CLSTN2: variants seen among roughly 807,000 people sequenced by gnomAD.
CLSTN2 encodes the protein calsyntenin 2.
A neutral mutation model predicts 101.2 loss-of-function variants in CLSTN2; 48 were observed. The observed-to-expected ratio is 0.47, with a 90% CI of 0.38 to 0.60. CLSTN2 has a LOEUF of 0.60. Ranked by LOEUF, CLSTN2 falls within the 20% of genes least tolerant of loss-of-function variation. The pLI is 0.00. For synonymous variants in CLSTN2, 481 were observed against 463.6 expected, an observed-to-expected ratio of 1.04 and a Z score of -0.48; for missense variants, 1,160 against 1,238.2, an observed-to-expected ratio of 0.94 and a Z score of 0.95.
Position 140,421,189 on chromosome 3 carries a change from C to G in CLSTN2, c.702C>G (p.Thr234=), listed in dbSNP as rs150010064. 1.2e-6 allele frequency: 2 copies of G among 1,613,946 alleles called. No homozygotes were observed. The highest frequency in any genetic ancestry group is 1.7e-6 in the Non-Finnish European group (2 of 1,179,982). ...DKQHQYEILV[T]AYDCGQKPAA... is the part of the protein sequence containing the mutation. ...AACACCAGTATGAGATCCTGGTGAC[C>G]GCCTACGACTGTGGACAGAAGCCCG... The change falls in exon 5 of 17, where the codon ACC becomes ACG. Residue 234 remains threonine, a synonymous_variant. Transcript: ENST00000458420.
At chr3:140,426,596 A>C (rs527588107) in intron 5 of CLSTN2, among the ~76,000 whole-genome samples, 1 of 152,330 alleles carries the variant, frequency 6.6e-6, no homozygotes, top group African/African-American at 2.4e-5. Flanking sequence ...TAAGGGAGAA[A>C]GAAGGAGATG....
chr3:139,949,094 G>A (rs142705993), intron 1 of CLSTN2, among the ~76,000 whole-genome samples: 8 of 152,072 alleles, frequency 5.3e-5, no homozygotes, highest in African/African-American at 1.4e-4. Flanking sequence ...CCTCCCCCAC[G>A]CTGTCAGCAT....
chr3:140,412,598 A>G (rs1370656870), intron 4 of CLSTN2, among the ~76,000 whole-genome samples: 1 of 152,226 alleles, frequency 6.6e-6, no homozygotes, highest in Admixed American at 6.5e-5. Flanking sequence ...GGGGAAGTCC[A>G]ACTAATATTC....
intron 2 of CLSTN2, among the ~76,000 whole-genome samples, chr3:140,300,107 A>C (rs777957396): frequency 6.6e-6 from 1 of 152,170 alleles, no homozygotes; most frequent in East Asian, 1.9e-4. Context: ...TCTCGCTCCC[A>C]ATCTCCACCT....
chr3:140,553,636 G>T (rs1935747939), intron 10 of CLSTN2, among the ~76,000 whole-genome samples: 1 of 152,170 alleles, frequency 6.6e-6, no homozygotes, highest in Non-Finnish European at 1.5e-5. Flanking sequence ...TACTCAGTTA[G>T]GGAGGTGGGG....
intron 1 of CLSTN2, among the ~76,000 whole-genome samples, chr3:140,036,558 T>G (rs573809246): frequency 6.6e-6 from 1 of 152,268 alleles, no homozygotes; most frequent in South Asian, 2.1e-4. Context: ...GCCCAAAATG[T>G]GCACAACTCA....
At chr3:140,188,974 A>G (rs2010522488) in intron 2 of CLSTN2, among the ~76,000 whole-genome samples, 1 of 152,186 alleles carries the variant, frequency 6.6e-6, no homozygotes, top group Non-Finnish European at 1.5e-5. Context: ...ACCTGTTCTC[A>G]TTCAGTAATT....
intron 2 of CLSTN2, among the ~76,000 whole-genome samples, chr3:140,253,598 A>G (rs2086581487): frequency 6.6e-6 from 1 of 152,086 alleles, no homozygotes; most frequent in South Asian, 2.1e-4. Context: ...GGAAGAGTGT[A>G]CTGATAGAAA....
At chr3:140,284,927 C>G (rs898707043) in intron 2 of CLSTN2, among the ~76,000 whole-genome samples, 5 of 152,096 alleles carry the variant, frequency 3.3e-5, no homozygotes, top group African/African-American at 1.2e-4. Flanking sequence ...CCCCACCTCT[C>G]ACCCCTACTC....
At chr3:140,065,300 G>C (rs2008280798) in intron 1 of CLSTN2, among the ~76,000 whole-genome samples, 1 of 152,194 alleles carries the variant, frequency 6.6e-6, no homozygotes, top group Admixed American at 6.5e-5. Context: ...TGTCTTTGAG[G>C]CTCAGGCCCT....
At chr3:140,335,497 T>G (rs532803552) in intron 2 of CLSTN2, among the ~76,000 whole-genome samples, 1 of 150,202 alleles carries the variant, frequency 6.7e-6, no homozygotes, top group Non-Finnish European at 1.5e-5. Context: ...GTGGCTATTA[T>G]CTGACCTGAG....
At chr3:140,466,546 A>T (rs2108020993) in intron 7 of CLSTN2, 64 bp from the exon 8 acceptor site, 1 of 1,605,582 alleles carries the variant, frequency 6.2e-7, no homozygotes, top group Admixed American at 1.7e-5. Flanking sequence ...GAGCAGGAAG[A>T]CTCCTCTGGT....
At chr3:139,948,667 G>A (rs1009010185) in intron 1 of CLSTN2, among the ~76,000 whole-genome samples, 1 of 152,118 alleles carries the variant, frequency 6.6e-6, no homozygotes, top group East Asian at 1.9e-4. Context: ...CTTTAGTACA[G>A]TGCTTTTACT....
chr3:140,038,301 ATGT>A (rs2007697940), intron 1 of CLSTN2, among the ~76,000 whole-genome samples: 1 of 152,084 alleles, frequency 6.6e-6, no homozygotes, highest in African/African-American at 2.4e-5. Context: ...ATGATCAGTG[ATGT>A]TGAGCTTTTT....
intron 8 of CLSTN2, among the ~76,000 whole-genome samples, chr3:140,471,294 A>C (rs994663001): frequency 6.6e-6 from 1 of 152,234 alleles, no homozygotes; most frequent in South Asian, 2.1e-4. Context: ...TCAGTGTCAC[A>C]ATCTAATAAT....
In CLSTN2 at chr3:140,516,626, A is replaced by G. The variant is rs569049485; in HGVS notation, c.1345-15698A>G. On this transcript the variant is annotated intron_variant, in intron 8 of 16. Coordinates refer to ENST00000458420, the MANE Select transcript of CLSTN2 (RefSeq NM_022131.3). ...GAAGCTTAGTTTTGCTGGATACAAT[A>G]TTCTTGGCTCATAATTATTTTGTTT... Among the ~76,000 whole-genome samples the G allele has an allele frequency of 5.3e-5, 8 of 151,750 alleles. No individual in the cohort carries two copies. In the East Asian group the frequency reaches 1.5e-3, roughly 29 times the overall value.
At chr3:140,553,498 C>G (rs550882286) in intron 10 of CLSTN2, among the ~76,000 whole-genome samples, 1 of 152,194 alleles carries the variant, frequency 6.6e-6, no homozygotes, top group Non-Finnish European at 1.5e-5. Context: ...GCCTTATGAC[C>G]TTGGGGAAGT....
intron 1 of CLSTN2, among the ~76,000 whole-genome samples, chr3:139,963,621 T>C (rs1323307992): frequency 6.6e-6 from 1 of 152,236 alleles, no homozygotes; most frequent in Admixed American, 6.5e-5. Context: ...GCTTAGACTG[T>C]AAGCCTTAGA....
intron 1 of CLSTN2, among the ~76,000 whole-genome samples, chr3:140,045,176 G>A (rs1046202059): frequency 1.3e-5 from 2 of 152,098 alleles, no homozygotes; most frequent in Admixed American, 1.3e-4. Flanking sequence ...TTTTTTGGTT[G>A]GTAGGCTATT....
Sources: allele counts gnomAD v4.1 joint callset (sites outside exome capture counted in the v4.1 genomes callset), GRCh38; gene constraint gnomAD v4.1.1; transcripts MANE v1.5; gene names NCBI Gene and HGNC (gene_info 2026-07-23, HGNC 2026-07-21).